The following FRMPD4 variants were observed in gnomAD, a reference collection of about 807,000 sequenced individuals.
FRMPD4 encodes FERM and PDZ domain containing 4, also known as FERM and PDZ domain-containing protein 4.
A neutral mutation model predicts 94.1 loss-of-function variants in FRMPD4; 22 were observed. The observed-to-expected ratio is 0.23, with a 90% CI of 0.17 to 0.33. The LOEUF is 0.33. Ranked by LOEUF, FRMPD4 falls within the 10% of genes least tolerant of loss-of-function variation. The pLI is 1.00. For synonymous variants in FRMPD4, 631 were observed against 548.6 expected (o/e 1.15, Z -2.10); for missense variants, 1,111 against 1,339.9 (o/e 0.83, Z 2.67).
chrX:12,648,526 C>T (rs188115611), intron 4 of FRMPD4, among the ~76,000 whole-genome samples: 1 of 112,131 alleles, frequency 8.9e-6, no homozygotes, highest in African/African-American at 3.2e-5. Flanking sequence ...TGCTTTGCAA[C>T]TGTCAAATTC....
intron 2 of FRMPD4, among the ~76,000 whole-genome samples, chrX:12,566,123 T>A (rs2058709474): frequency 9.0e-6 from 1 of 111,616 alleles, no homozygotes; most frequent in Non-Finnish European, 1.9e-5. Context: ...CTGTGTGTCC[T>A]ATAGTAAGGC....
At chrX:12,290,164 T>C (rs2147874321) in intron 1 of FRMPD4, among the ~76,000 whole-genome samples, 1 of 111,603 alleles carries the variant, frequency 9.0e-6, no homozygotes, top group African/African-American at 3.3e-5. Flanking sequence ...GATTTCTGTG[T>C]TAGGATTAGC....
At chrX:12,208,043 G>C (rs2056712757) in intron 1 of FRMPD4, among the ~76,000 whole-genome samples, 1 of 111,349 alleles carries the variant, frequency 9.0e-6, no homozygotes, top group African/African-American at 3.3e-5. Context: ...CTATATCCTT[G>C]AAATAATGGC....
chrX:12,161,108 G>A (rs943993129), intron 1 of FRMPD4, among the ~76,000 whole-genome samples: 4 of 110,459 alleles, frequency 3.6e-5, no homozygotes, highest in African/African-American at 1.3e-4. Context: ...TGCTGCTGCT[G>A]TTTCCACTAC....
At chrX:12,430,841 T>C (rs776345460) in intron 1 of FRMPD4, among the ~76,000 whole-genome samples, 139 of 112,674 alleles carry the variant, frequency 1.2e-3, no homozygotes, top group African/African-American at 4.4e-3. Context: ...TGTAATTTTG[T>C]CTCTAGGTAA....
At chrX:12,395,047 C>T (rs920629829) in intron 1 of FRMPD4, among the ~76,000 whole-genome samples, 2 of 112,174 alleles carry the variant, frequency 1.8e-5, no homozygotes, top group Admixed American at 9.4e-5. Context: ...ATGAAATTTC[C>T]GACTTATCTG....
chrX:12,300,618 T>A (rs1325826783), intron 1 of FRMPD4, among the ~76,000 whole-genome samples: 1 of 112,176 alleles, frequency 8.9e-6, no homozygotes, highest in Non-Finnish European at 1.9e-5. Flanking sequence ...GAGAAAAGAA[T>A]GCAAGGGGTT....
At chrX:11,935,265 A>T (rs945628042) in intron 3 of FRMPD4, among the ~76,000 whole-genome samples, 281 of 2,502 alleles carry the variant, frequency 0.11, 15 homozygotes, top group Middle Eastern at 0.5. Context: ...TTTTTTTTTA[A>T]TGTGTTTTTT....
At chrX:11,882,347 G>A (rs2053818754) in intron 3 of FRMPD4, among the ~76,000 whole-genome samples, 1 of 111,150 alleles carries the variant, frequency 9.0e-6, no homozygotes, top group Non-Finnish European at 1.9e-5. Context: ...GAACTCTAGG[G>A]CGTTCAAGAT....
intron 2 of FRMPD4, among the ~76,000 whole-genome samples, chrX:12,499,083 A>C (rs758758046): frequency 2.7e-5 from 3 of 111,356 alleles, no homozygotes; most frequent in East Asian, 5.6e-4. Context: ...GCTCAGAGCA[A>C]AAGTTTCCAC....
chrX:12,044,639 G>A (rs1196044808), intron 3 of FRMPD4, among the ~76,000 whole-genome samples: 1 of 112,042 alleles, frequency 8.9e-6, no homozygotes, highest in Non-Finnish European at 1.9e-5. Flanking sequence ...CTCTTCTAGT[G>A]TCAGACACTA....
At chrX:12,095,223 T>A (rs936585305) in intron 3 of FRMPD4, among the ~76,000 whole-genome samples, 1 of 109,798 alleles carries the variant, frequency 9.1e-6, no homozygotes, top group Admixed American at 9.7e-5. Context: ...TAAAAACATT[T>A]AAAAATTAGC....
intron 3 of FRMPD4, among the ~76,000 whole-genome samples, chrX:12,095,396 C>G (rs1467328857): frequency 9.3e-6 from 1 of 107,951 alleles, no homozygotes; most frequent in East Asian, 2.9e-4. Flanking sequence ...AAAAAAAATA[C>G]TATTTCATGA....
At chrX:12,059,748 G>A (rs919588466) in intron 3 of FRMPD4, among the ~76,000 whole-genome samples, 4 of 110,910 alleles carry the variant, frequency 3.6e-5, no homozygotes, top group Admixed American at 9.6e-5. Flanking sequence ...GGAGGATAAC[G>A]GCCTCCAGCT....
chrX:12,670,361 T>C (rs1602294579), intron 4 of FRMPD4, among the ~76,000 whole-genome samples: 1 of 111,367 alleles, frequency 9.0e-6, no homozygotes, highest in African/African-American at 3.3e-5. Flanking sequence ...GCTAGAGTAA[T>C]AAAAACAGCA....
At chrX:12,272,227 C>T (rs1460823521) in intron 1 of FRMPD4, among the ~76,000 whole-genome samples, 1 of 111,903 alleles carries the variant, frequency 8.9e-6, no homozygotes, top group African/African-American at 3.3e-5. Context: ...AATGATTGGG[C>T]ATTTGGGAAT....
intron 2 of FRMPD4, among the ~76,000 whole-genome samples, chrX:12,505,114 A>C (rs1054738111): frequency 3.6e-5 from 4 of 111,924 alleles, no homozygotes; most frequent in Non-Finnish European, 7.5e-5. Flanking sequence ...AGGGATGGCC[A>C]ACCTGTGCAA....
intron 1 of FRMPD4, among the ~76,000 whole-genome samples, chrX:12,157,124 C>A (rs1026489875): frequency 8.9e-6 from 1 of 111,913 alleles, no homozygotes; most frequent in African/African-American, 3.3e-5. Context: ...TGTGCATGCA[C>A]CCACATGCAC....
At chrX:12,636,557 T>C (rs1020057534) in intron 4 of FRMPD4, among the ~76,000 whole-genome samples, 1 of 111,931 alleles carries the variant, frequency 8.9e-6, no homozygotes, top group East Asian at 2.8e-4. Flanking sequence ...AGGGTGATGC[T>C]CTAATTCCAT....
Sources: allele counts gnomAD v4.1 joint callset (sites outside exome capture counted in the v4.1 genomes callset), GRCh38; gene constraint gnomAD v4.1.1; transcripts MANE v1.5; gene names NCBI Gene and HGNC (gene_info 2026-07-23, HGNC 2026-07-21).